Variants in KRTAP4-1 observed in about 807,000 individuals in gnomAD.
KRTAP4-1 encodes the protein keratin-associated protein 4-1.
For synonymous variants in KRTAP4-1, 52 were observed against 58.3 expected, an observed-to-expected ratio of 0.89 and a Z score of 0.50; for missense variants, 155 against 181.3, an observed-to-expected ratio of 0.85 and a Z score of 0.83.
In KRTAP4-1 at chr17:41,184,132, CA is replaced by C. The variant is rs1170791396; in HGVS notation, c.*281del. 5 of 406,104 alleles carry C rather than the reference CA, an allele frequency of 1.2e-5. No individual in the cohort carries two copies. The highest frequency in any genetic ancestry group is 2.2e-5 in the Non-Finnish European group (5 of 231,320). The allele number at this position is 406,104 out of a possible 1,614,324, so 25.2% of individuals were successfully genotyped here. A position where few individuals can be genotyped will look rare whatever the true frequency, so the allele number is the denominator to read the frequency against. The stretch of plus-strand genomic sequence containing the variant: ...TATTAAGATAATATTTATTGAAGAA[CA>C]GTTAATATGTAATTTTGAAGGTCAA... On this transcript the variant is annotated 3_prime_UTR_variant, in exon 1 of 1. Transcript: ENST00000398472.
rs1286996885 is a variant in KRTAP4-1, at chr17:41,184,332, A to C, written c.*82T>G. The C allele has an allele frequency of 1.3e-6, 2 of 1,520,894 alleles. No individual in the cohort carries two copies. The highest frequency in any genetic ancestry group is 2.8e-5 in the African/African-American group (2 of 72,156). The allele number at this position is 1,520,894 out of a possible 1,614,324, so 94.2% of individuals were successfully genotyped here. ...AGGATAATAAAGCTGATGGCCATTTAACACATGGACAAGTTGATATAAATG... is the reference window on the plus strand; with the variant it reads ...AGGATAATAAAGCTGATGGCCATTTCACACATGGACAAGTTGATATAAATG... On this transcript the variant is annotated 3_prime_UTR_variant, in exon 1 of 1. Coordinates refer to ENST00000398472, the MANE Select transcript of KRTAP4-1 (RefSeq NM_001386841.1).
rs1229459255 is a variant in KRTAP4-1 at position 41,184,454 on chromosome 17, G to A, written c.401C>T (p.Ala134Val). 1 of 1,605,870 alleles carries A rather than the reference G, an allele frequency of 6.2e-7. No homozygotes were observed. The highest frequency in any genetic ancestry group is 1.3e-5 in the African/African-American group (1 of 74,418). Residue 134 changes from alanine to valine, a missense_variant, in exon 1 of 1, where the codon GCA (alanine) becomes GTA (valine). Transcript: ENST00000398472. ...PLCCQTTCCRATCCRPSCCGS... is the reference protein window; with the variant it reads ...PLCCQTTCCRVTCCRPSCCGS... ...ACAGCAGCTGGGGCGGCAGCAAGTT[G>A]CACGGCAGCAGGTGGTCTGACAGCA...
At position 41,184,483 on chromosome 17, in the gene KRTAP4-1, T is replaced by C. The variant is rs1484394613; in HGVS notation, c.372A>G (p.Pro124=). 1.2e-6 allele frequency: 2 copies of C among 1,604,016 alleles called. No homozygotes were observed. The highest frequency in any genetic ancestry group is 1.7e-6 in the Non-Finnish European group (2 of 1,175,642). Residue 124 remains proline, a synonymous_variant, in exon 1 of 1, where the codon CCA becomes CCG. Transcript: ENST00000398472. ...GGCAGCAGGTGGTCTGACAGCAGAG[T>C]GGACGGCAGCAGCTGGACACACCAC... ...PSCGVSSCCR[P]LCCQTTCCRA... is the part of the protein sequence containing the mutation.
chr17:41,184,877 A>G lies in KRTAP4-1; in HGVS notation c.-23T>C. The stretch of plus-strand genomic sequence containing the variant: ...CATGGTGTCAGAGGGTGGAGGTTCT[A>G]GGTAGGTTTCCAAGACAGTGAGTTT... On this transcript the variant is annotated 5_prime_UTR_variant, in exon 1 of 1. Coordinates refer to ENST00000398472, the MANE Select transcript of KRTAP4-1 (RefSeq NM_001386841.1). 1 of 1,613,298 alleles carries G rather than the reference A, an allele frequency of 6.2e-7. No individual in the cohort carries two copies. The highest frequency in any genetic ancestry group is 8.5e-7 in the Non-Finnish European group (1 of 1,179,590).
Position 41,184,787 on chromosome 17 carries a change from G to A in KRTAP4-1, c.68C>T (p.Thr23Ile), listed in dbSNP as rs764999546. The A allele has an allele frequency of 2.5e-6, 4 of 1,614,126 alleles. No homozygotes were observed. Among genetic ancestry groups the A allele is most frequent in the African/African-American group, 2.7e-5 (2 of 74,944 alleles). ...QGCDQGLCQE[T>I]CCRPSCCQTT... The stretch of plus-strand genomic sequence containing the variant: ...CTGGCAGCAGCTGGGGCGGCAGCAG[G>A]TCTCTTGGCAGAGGCCTTGATCACA... Residue 23 changes from threonine (T) to isoleucine (I), a missense_variant, in exon 1 of 1, where the codon ACC (threonine) becomes ATC (isoleucine). Coordinates refer to ENST00000398472, the MANE Select transcript of KRTAP4-1 (RefSeq NM_001386841.1).
chr17:41,184,522 G>A lies in KRTAP4-1; in HGVS notation c.333C>T (p.Thr111=), dbSNP rs1361385008. The change falls in exon 1 of 1, where the codon ACC becomes ACT. Residue 111 remains threonine (T), a synonymous_variant. Transcript: ENST00000398472. ...SCCRPLCCQT[T]CRPSCGVSSC... The stretch of plus-strand genomic sequence containing the variant: ...TGGACACACCACAGCTGGGGCGGCA[G>A]GTGGTCTGACAACAGAGTGGACGGC... The A allele has an allele frequency of 6.2e-7, 1 of 1,605,404 alleles. No homozygotes were observed. The highest frequency in any genetic ancestry group is 8.5e-7 in the Non-Finnish European group (1 of 1,176,608).
the KRTAP4-1 span, chr17:41,184,462 G>T: frequency 6.2e-7 from 1 of 1,609,450 alleles, no homozygotes; most frequent in Non-Finnish European, 8.5e-7. Context: ...TTGCACGGCA[G>T]CAGGTGGTCT....
Position 41,184,821 on chromosome 17 carries a change from C to G in KRTAP4-1, c.34G>C (p.Asp12His), listed in dbSNP as rs200327404. The G allele has an allele frequency of 1.0e-4, 162 of 1,614,060 alleles. No homozygotes were observed. The highest frequency in any genetic ancestry group is 1.3e-4 in the Non-Finnish European group (152 of 1,179,944). Residue 12 changes from aspartate to histidine, a missense_variant, in exon 1 of 1, where the codon GAC (aspartate) becomes CAC (histidine). Coordinates refer to ENST00000398472, the MANE Select transcript of KRTAP4-1 (RefSeq NM_001386841.1). ...CAGAGGCCTTGATCACAGCCCTGGT[C>G]AGAGCAGACAGAGCCACAACAAGAG... ...VNSCCGSVCS[D>H]QGCDQGLCQE... is the part of the protein sequence containing the mutation.
chr17:41,184,239 T>A lies in KRTAP4-1; in HGVS notation c.*175A>T. The A allele has an allele frequency of 4.4e-6, 5 of 1,127,044 alleles. No homozygotes were observed. The highest frequency in any genetic ancestry group is 6.2e-6 in the Non-Finnish European group (5 of 801,662). The allele number at this position is 1,127,044 out of a possible 1,614,324, so 69.8% of individuals were successfully genotyped here. On this transcript the variant is annotated 3_prime_UTR_variant, in exon 1 of 1. Transcript: ENST00000398472. The stretch of plus-strand genomic sequence containing the variant: ...AGGTCTGAATGCTGCTGGGAAGAGA[T>A]CCATGGGAAAAATGAGTGGTATTAA...
In KRTAP4-1 at chr17:41,184,292, A is replaced by G; in HGVS notation, c.*122T>C. ...GTAGATGGATGCCCTTTCACCAGTT[A>G]CTTAGTGGAATAACAGGATAATAAA... On this transcript the variant is annotated 3_prime_UTR_variant, in exon 1 of 1. Transcript: ENST00000398472. The G allele has an allele frequency of 2.7e-6, 4 of 1,474,790 alleles. No individual in the cohort carries two copies. Among genetic ancestry groups the G allele is most frequent in the Non-Finnish European group, 3.6e-6 (4 of 1,096,390 alleles). 91.4% of individuals were successfully genotyped at this position (1,474,790 alleles called of 1,614,324 possible). A position where few individuals can be genotyped will look rare whatever the true frequency, so the allele number is the denominator to read the frequency against.
chr17:41,184,869 G>A lies in KRTAP4-1; in HGVS notation c.-15C>T, dbSNP rs909941353. ...GAGTTAACCATGGTGTCAGAGGGTG[G>A]AGGTTCTAGGTAGGTTTCCAAGACA... On this transcript the variant is annotated 5_prime_UTR_variant, in exon 1 of 1. Coordinates refer to ENST00000398472, the MANE Select transcript of KRTAP4-1 (RefSeq NM_001386841.1). 11 of 1,613,452 alleles carry A rather than the reference G, an allele frequency of 6.8e-6. No homozygotes were observed. In the Admixed American group the frequency reaches 1.5e-4, roughly 22 times the overall value.
chr17:41,184,908 A>G lies in KRTAP4-1; in HGVS notation c.-54T>C. On this transcript the variant is annotated 5_prime_UTR_variant, in exon 1 of 1. Transcript: ENST00000398472. ...GTTTCCAAGACAGTGAGTTTTTCGA[A>G]TGTGGGAATCTCCTTATCCCATGTC... 6.2e-7 allele frequency: 1 copy of G among 1,601,634 alleles called. No homozygotes were observed. Among genetic ancestry groups the G allele is most frequent in the Non-Finnish European group, 8.5e-7 (1 of 1,173,466 alleles).
chr17:41,184,871 G>A lies in KRTAP4-1; in HGVS notation c.-17C>T, dbSNP rs757999294. On this transcript the variant is annotated 5_prime_UTR_variant, in exon 1 of 1. Coordinates refer to ENST00000398472, the MANE Select transcript of KRTAP4-1 (RefSeq NM_001386841.1). The stretch of plus-strand genomic sequence containing the variant: ...GTTAACCATGGTGTCAGAGGGTGGA[G>A]GTTCTAGGTAGGTTTCCAAGACAGT... 3.1e-6 allele frequency: 5 copies of A among 1,613,410 alleles called. No homozygotes were observed. The highest frequency in any genetic ancestry group is 1.7e-5 in the Admixed American group (1 of 59,932).
Position 41,184,736 on chromosome 17 carries a change from A to G in KRTAP4-1, c.119T>C (p.Val40Ala), listed in dbSNP as rs748002876. 1 of 1,611,746 alleles carries G rather than the reference A, an allele frequency of 6.2e-7. No homozygotes were observed. Among genetic ancestry groups the G allele is most frequent in the African/African-American group, 1.4e-5 (1 of 74,052 alleles). ...GGATGGGCGGCAGCAGCTGGATACA[A>G]CACAGCTGGGGCAGCAACAGGTGGT... ...CQTTCCCPSCVVSSCCRPSCS... is the reference protein window; with the variant it reads ...CQTTCCCPSCAVSSCCRPSCS... Residue 40 changes from valine (V) to alanine (A), a missense_variant, in exon 1 of 1, where the codon GTT becomes GCT. Physicochemically the swap from Val to Ala is moderately conservative, Grantham distance 64. Coordinates refer to ENST00000398472, the MANE Select transcript of KRTAP4-1 (RefSeq NM_001386841.1).
the KRTAP4-1 span, chr17:41,184,429 A>T: frequency 6.3e-7 from 1 of 1,599,466 alleles, no homozygotes; most frequent in East Asian, 2.2e-5. Context: ...AAGAGGATCC[A>T]CAGCAGCTGG....
In KRTAP4-1 at chr17:41,184,746, G is replaced by T; in HGVS notation, c.109C>A (p.Pro37Thr). 6.2e-7 allele frequency: 1 copy of T among 1,613,448 alleles called. No homozygotes were observed. The highest frequency in any genetic ancestry group is 8.5e-7 in the Non-Finnish European group (1 of 1,179,860). Residue 37 changes from proline (P) to threonine (T), a missense_variant, in exon 1 of 1, where the codon CCC becomes ACC. Coordinates refer to ENST00000398472, the MANE Select transcript of KRTAP4-1 (RefSeq NM_001386841.1). Reference protein sequence around the residue: ...PSCCQTTCCCPSCVVSSCCRP... With the variant: ...PSCCQTTCCCTSCVVSSCCRP... Reference sequence around the variant, plus strand: ...CAGCAGCTGGATACAACACAGCTGGGGCAGCAACAGGTGGTCTGGCAGCAG... The same window carrying T: ...CAGCAGCTGGATACAACACAGCTGGTGCAGCAACAGGTGGTCTGGCAGCAG...
Position 41,184,279 on chromosome 17 carries a change from C to T in KRTAP4-1, c.*135G>A, listed in dbSNP as rs2015244735. 7.0e-7 allele frequency: 1 copy of T among 1,431,714 alleles called. No individual in the cohort carries two copies. The highest frequency in any genetic ancestry group is 9.4e-7 in the Non-Finnish European group (1 of 1,058,624). 88.7% of individuals were successfully genotyped at this position (1,431,714 alleles called of 1,614,324 possible). A position where few individuals can be genotyped will look rare whatever the true frequency, so the allele number is the denominator to read the frequency against. ...AGTGGTATTAAATGTAGATGGATGC[C>T]CTTTCACCAGTTACTTAGTGGAATA... On this transcript the variant is annotated 3_prime_UTR_variant, in exon 1 of 1. Transcript: ENST00000398472.
chr17:41,184,122 T>C lies in KRTAP4-1; in HGVS notation c.*292A>G, dbSNP rs2015242562. 2 of 377,774 alleles carry C rather than the reference T, an allele frequency of 5.3e-6. No homozygotes were observed. The highest frequency in any genetic ancestry group is 2.0e-4 in the South Asian group (2 of 10,004). The allele number at this position is 377,774 out of a possible 1,614,324, so 23.4% of individuals were successfully genotyped here. ...GAATTACTGATATTAAGATAATATTTATTGAAGAACAGTTAATATGTAATT... is the reference window on the plus strand; with the variant it reads ...GAATTACTGATATTAAGATAATATTCATTGAAGAACAGTTAATATGTAATT... On this transcript the variant is annotated 3_prime_UTR_variant, in exon 1 of 1. Coordinates refer to ENST00000398472, the MANE Select transcript of KRTAP4-1 (RefSeq NM_001386841.1).
rs780964584 is a variant in KRTAP4-1, at chr17:41,184,813, G to A, written c.42C>T (p.Gly14=). 1.2e-6 allele frequency: 2 copies of A among 1,614,110 alleles called. No homozygotes were observed. Among genetic ancestry groups the A allele is most frequent in the Non-Finnish European group, 1.7e-6 (2 of 1,180,044 alleles). The stretch of plus-strand genomic sequence containing the variant: ...TCTCTTGGCAGAGGCCTTGATCACA[G>A]CCCTGGTCAGAGCAGACAGAGCCAC... ...SCCGSVCSDQ[G]CDQGLCQETC... is the part of the protein sequence containing the mutation. The change falls in exon 1 of 1, where the codon GGC becomes GGT. Residue 14 remains glycine, a synonymous_variant. Coordinates refer to ENST00000398472, the MANE Select transcript of KRTAP4-1 (RefSeq NM_001386841.1).
Sources: allele counts gnomAD v4.1 joint callset, GRCh38; gene constraint gnomAD v4.1.1; transcripts MANE v1.5; gene names NCBI Gene and HGNC (gene_info 2026-07-23, HGNC 2026-07-21).